The following EYA3 variants were observed in gnomAD, a reference collection of about 807,000 sequenced individuals.
The protein encoded by EYA3 is EYA transcriptional coactivator and phosphatase 3, also known as protein phosphatase EYA3.
Under a neutral mutation model 80.0 loss-of-function variants are expected in EYA3, and 39 were observed. That is an observed-to-expected ratio of 0.49 (90% CI 0.38 to 0.64). The LOEUF (loss-of-function observed/expected upper bound fraction) is 0.64, where lower values mean the gene tolerates loss of function less well. Ranked by LOEUF, EYA3 falls within the 30% of genes least tolerant of loss-of-function variation. The pLI is 0.00. For missense variants in EYA3, 523 were observed against 676.1 expected, an observed-to-expected ratio of 0.77 and a Z score of 2.51; for synonymous variants, 206 against 232.8, an observed-to-expected ratio of 0.88 and a Z score of 1.05.
chr1:27,978,587 C>T, intron 16 of EYA3, 113 bp from the exon 17 acceptor site: 4 of 772,750 alleles, frequency 5.2e-6, no homozygotes, highest in South Asian at 5.0e-5. Flanking sequence ...AAGTGACAGC[C>T]CATGTAGTTT....
chr1:27,985,802 G>C (rs1422370403), intron 16 of EYA3, among the ~76,000 whole-genome samples: 1 of 152,016 alleles, frequency 6.6e-6, no homozygotes, highest in African/African-American at 2.4e-5. Flanking sequence ...GGCTGGTCTT[G>C]AACTCCTGGC....
At chr1:27,997,416 G>A in intron 12 of EYA3, 38 bp from the exon 13 acceptor site, 2 of 1,543,308 alleles carry the variant, frequency 1.3e-6, no homozygotes, top group Non-Finnish European at 1.8e-6. Flanking sequence ...AGTCCAGGGA[G>A]TAGAAGTGAT....
chr1:28,080,660 GAAA>G (rs765839496), intron 1 of EYA3, among the ~76,000 whole-genome samples: 1 of 115,612 alleles, frequency 8.6e-6, no homozygotes, highest in Non-Finnish European at 1.9e-5. Context: ...CACTTTATCA[GAAA>G]AAAAAAAAAA....
intron 1 of EYA3, among the ~76,000 whole-genome samples, chr1:28,072,461 G>A (rs1006781956): frequency 6.6e-6 from 1 of 151,958 alleles, no homozygotes; most frequent in African/African-American, 2.4e-5. Context: ...AGAGAGCCCT[G>A]GGGGAAGGGT....
At chr1:28,006,112 A>T (rs914664051) in intron 10 of EYA3, among the ~76,000 whole-genome samples, 1 of 83,454 alleles carries the variant, frequency 1.2e-5, no homozygotes, top group Non-Finnish European at 2.8e-5. Context: ...CTCAAAAAAA[A>T]AAAAAGAATT....
rs561638196 is a variant in EYA3, at chr1:28,031,413, C to T, written c.362-3487G>A. Among the ~76,000 whole-genome samples the T allele has an allele frequency of 5.0e-4, 76 of 152,334 alleles. 1 individual carries two copies. The South Asian group carries it at 0.013, about 27-fold the overall frequency. ...GTCCACTGCTCTATGCCAACAACTACCAAGTTTCTCAAGTACTTTTAAGCA... is the reference window on the plus strand; with the variant it reads ...GTCCACTGCTCTATGCCAACAACTATCAAGTTTCTCAAGTACTTTTAAGCA... On this transcript the variant is annotated intron_variant, in intron 6 of 17. Coordinates refer to ENST00000373871, the MANE Select transcript of EYA3 (RefSeq NM_001990.4).
rs183095427 is a variant in EYA3, at chr1:28,077,207, G to A, written c.-69+11317C>T. Among the ~76,000 whole-genome samples the A allele has an allele frequency of 8.0e-5, 12 of 149,846 alleles. No individual in the cohort carries two copies. The East Asian group carries it at 1.2e-3, about 15-fold the overall frequency. On this transcript the variant is annotated intron_variant, in intron 1 of 17. Transcript: ENST00000373871. ...CAACCTCCGCCTCCTGGATTCAAGCGATTCTCCTGCCTCAGCCTCCTGAGT... is the reference window on the plus strand; with the variant it reads ...CAACCTCCGCCTCCTGGATTCAAGCAATTCTCCTGCCTCAGCCTCCTGAGT...
Position 28,013,436 on chromosome 1 carries a change from C to A in EYA3, c.586-142G>T. 1.4e-6 allele frequency: 1 copy of A among 738,016 alleles called. No individual in the cohort carries two copies. The highest frequency in any genetic ancestry group is 2.1e-6 in the Non-Finnish European group (1 of 482,294). 45.7% of individuals were successfully genotyped at this position (738,016 alleles called of 1,614,324 possible). ...ACTTCTCATTTACCTACCTAAAAGT[C>A]TCCAATCTAAATCAATGATTTTCAA... On this transcript the variant is annotated intron_variant, in intron 8 of 17. Coordinates refer to ENST00000373871, the MANE Select transcript of EYA3 (RefSeq NM_001990.4). The surrounding 1 kb of genome is among the most constrained non-coding windows in gnomAD (Gnocchi z 4.0).
chr1:28,077,111 T>TA (rs1645246078), intron 1 of EYA3, among the ~76,000 whole-genome samples: 1 of 149,866 alleles, frequency 6.7e-6, no homozygotes, highest in Non-Finnish European at 1.5e-5. Context: ...AATCTTTTTT[T>TA]TTTTTTTTTT....
At chr1:28,007,116 T>A (rs1342916390) in intron 10 of EYA3, among the ~76,000 whole-genome samples, 4 of 151,454 alleles carry the variant, frequency 2.6e-5, no homozygotes, top group Non-Finnish European at 5.9e-5. Flanking sequence ...AATTTTTTTT[T>A]ATTTTTGTAC....
intron 11 of EYA3, among the ~76,000 whole-genome samples, chr1:28,001,747 A>C (rs1304535095): frequency 7.1e-6 from 1 of 141,560 alleles, no homozygotes; most frequent in Non-Finnish European, 1.6e-5. Context: ...TCAAAAAAAA[A>C]AAAAAAAAAG....
At chr1:27,999,849 T>A (rs554216475) in intron 12 of EYA3, 111 bp downstream of exon 12, 1 of 749,698 alleles carries the variant, frequency 1.3e-6, no homozygotes, top group South Asian at 2.3e-5. Context: ...AGCTGGCCTC[T>A]CCATATCCAC....
At chr1:28,083,443 C>A (rs926986391) in intron 1 of EYA3, among the ~76,000 whole-genome samples, 8 of 152,052 alleles carry the variant, frequency 5.3e-5, no homozygotes, top group Non-Finnish European at 1.2e-4. Context: ...TCACTTGAGC[C>A]CAGGAGGCAG....
chr1:28,000,151 G>T, intron 11 of EYA3, 102 bp from the exon 12 acceptor site: 1 of 642,846 alleles, frequency 1.6e-6, no homozygotes, highest in Non-Finnish European at 2.6e-6. Flanking sequence ...AAACACACGA[G>T]CTCCCAACTG....
intron 16 of EYA3, among the ~76,000 whole-genome samples, chr1:27,982,273 C>T (rs888986370): frequency 1.9e-4 from 29 of 152,140 alleles, no homozygotes; most frequent in African/African-American, 6.7e-4. Context: ...GCTAGGATTA[C>T]AGGCATGAGC....
chr1:28,074,814 G>A (rs943525383), intron 1 of EYA3, among the ~76,000 whole-genome samples: 3 of 152,168 alleles, frequency 2.0e-5, no homozygotes, highest in South Asian at 2.1e-4. Context: ...GTGACAACTC[G>A]AAAAATCAGA....
chr1:28,014,480 C>T (rs6674119), intron 8 of EYA3, among the ~76,000 whole-genome samples: 33,701 of 146,372 alleles, frequency 0.23, 4,054 homozygotes, highest in Non-Finnish European at 0.27. Flanking sequence ...ATAATTCCAG[C>T]ACTTTGGGAG....
intron 17 of EYA3, 99 bp downstream of exon 17, chr1:27,978,275 T>G (rs1639074707): frequency 1.3e-6 from 1 of 786,608 alleles, no homozygotes. Flanking sequence ...GAGAAAATAT[T>G]ATAAATGCAT....
intron 1 of EYA3, among the ~76,000 whole-genome samples, chr1:28,058,632 TAAAAATA>T (rs1186871905): frequency 6.6e-6 from 1 of 152,132 alleles, no homozygotes; most frequent in Non-Finnish European, 1.5e-5. Context: ...ATCTCAATAA[TAAAAATA>T]AATAAGTAGA....
Sources: allele counts gnomAD v4.1 joint callset (sites outside exome capture counted in the v4.1 genomes callset), GRCh38; gene constraint gnomAD v4.1.1; non-coding constraint Gnocchi (gnomAD v3.1); transcripts MANE v1.5; gene names NCBI Gene and HGNC (gene_info 2026-07-23, HGNC 2026-07-21).